Variants in UBE2L3 observed in about 807,000 individuals in gnomAD.
UBE2L3 encodes the protein ubiquitin-conjugating enzyme E2 L3.
In UBE2L3, 1 loss-of-function variant was observed where a neutral mutation model predicts 17.8. The observed-to-expected ratio is 0.06, with a 90% CI of 0.02 to 0.27. UBE2L3 has a LOEUF of 0.27. UBE2L3 is among the 10% of genes least tolerant of loss of function. The probability of loss-of-function intolerance (pLI) is 1.00; values close to 1 mark genes in which losing one functional copy is unlikely to be tolerated. For missense variants in UBE2L3, 40 were observed against 192.6 expected (o/e 0.21, Z 4.69); for synonymous variants, 44 against 68.5 (o/e 0.64, Z 1.76).
intron 1 of UBE2L3, among the ~76,000 whole-genome samples, chr22:21,575,446 G>A (rs570634993): frequency 3.2e-4 from 45 of 141,600 alleles, no homozygotes; most frequent in African/African-American, 1.1e-3. Flanking sequence ...AAAATCAGCC[G>A]AGTGTGGTGG....
intron 1 of UBE2L3, among the ~76,000 whole-genome samples, chr22:21,579,813 G>A (rs548524477): frequency 1.3e-5 from 2 of 152,056 alleles, no homozygotes; most frequent in Admixed American, 6.6e-5. Flanking sequence ...CATTGCTAAC[G>A]GTTGTCTTAT....
intron 1 of UBE2L3, 70 bp downstream of exon 1, chr22:21,567,841 G>A: frequency 3.2e-6 from 5 of 1,553,784 alleles, no homozygotes; most frequent in South Asian, 1.2e-5. Flanking sequence ...CGAGGCAGGC[G>A]GCGGCTTCTC....
chr22:21,568,136 G>T (rs1339946279), intron 1 of UBE2L3: 4 of 1,038,434 alleles, frequency 3.9e-6, no homozygotes, highest in Non-Finnish European at 4.6e-6. Flanking sequence ...CTTCGGGGAA[G>T]GCCCGAGCGC....
intron 3 of UBE2L3, among the ~76,000 whole-genome samples, chr22:21,616,451 C>T (rs1457718798): frequency 6.6e-6 from 1 of 151,960 alleles, no homozygotes; most frequent in Non-Finnish European, 1.5e-5. Flanking sequence ...GAGATCCAGA[C>T]CATCCTGGCC....
At chr22:21,577,730 G>A (rs1213049563) in intron 1 of UBE2L3, among the ~76,000 whole-genome samples, 2 of 152,126 alleles carry the variant, frequency 1.3e-5, no homozygotes, top group Non-Finnish European at 2.9e-5. Flanking sequence ...TGTTTGTTTT[G>A]GTTTTTAACA....
intron 2 of UBE2L3, among the ~76,000 whole-genome samples, chr22:21,601,092 AC>A (rs1339014871): frequency 6.6e-6 from 1 of 151,716 alleles, no homozygotes; most frequent in African/African-American, 2.4e-5. Flanking sequence ...AATTGCTTGA[AC>A]CCAGGAGGTG....
chr22:21,621,393 T>TA (rs1930032247), intron 3 of UBE2L3, 122 bp from the exon 4 acceptor site: 1 of 1,290,190 alleles, frequency 7.8e-7, no homozygotes, highest in African/African-American at 1.5e-5. Context: ...AGCTTTGGCT[T>TA]AAAAGCACAT....
At chr22:21,552,880 C>T (rs1221807511) in intron 1 of UBE2L3, among the ~76,000 whole-genome samples, 36 of 133,958 alleles carry the variant, frequency 2.7e-4, no homozygotes, top group African/African-American at 9.3e-4. Flanking sequence ...CCCGCCACCA[C>T]GCCTGGCTAA....
chr22:21,564,604 G>A (rs189473927), upstream of UBE2L3, among the ~76,000 whole-genome samples: 4 of 152,276 alleles, frequency 2.6e-5, no homozygotes, highest in East Asian at 1.9e-4. Context: ...TGCAGGCAGC[G>A]GTGAGGATGT....
intron 1 of UBE2L3, chr22:21,567,995 C>T: frequency 7.4e-7 from 1 of 1,356,694 alleles, no homozygotes; most frequent in Non-Finnish European, 9.4e-7. Flanking sequence ...GTCGGCCCCT[C>T]AGCCCGGCCC....
intron 2 of UBE2L3, among the ~76,000 whole-genome samples, chr22:21,605,100 G>A (rs538993882): frequency 6.6e-6 from 1 of 151,696 alleles, no homozygotes; most frequent in South Asian, 2.1e-4. Flanking sequence ...TGAGTGGCTG[G>A]GACTACAGGT....
intron 2 of UBE2L3, among the ~76,000 whole-genome samples, chr22:21,609,087 C>T (rs1568986187): frequency 1.3e-5 from 2 of 151,836 alleles, no homozygotes; most frequent in Admixed American, 6.6e-5. Flanking sequence ...TTAGTAGAGA[C>T]GGGGTTTCAC....
chr22:21,617,092 C>G (rs2148448128), intron 3 of UBE2L3, among the ~76,000 whole-genome samples: 1 of 150,352 alleles, frequency 6.7e-6, no homozygotes, highest in East Asian at 2.0e-4. Context: ...CACCTGTAGT[C>G]CCAGCTGCTG....
chr22:21,619,435 C>T lies in UBE2L3; in HGVS notation c.311-2080C>T, dbSNP rs372075428. 5.3e-4 allele frequency among the ~76,000 whole-genome samples: 80 copies of T among 152,242 alleles called. 2 individuals carry two copies. In the South Asian group the frequency reaches 0.015, roughly 28 times the overall value. On this transcript the variant is annotated intron_variant, in intron 3 of 3. Coordinates refer to ENST00000342192, the MANE Select transcript of UBE2L3 (RefSeq NM_003347.4). Reference sequence around the variant, plus strand: ...TCACAGTCCACCCTCCTTGCCCATCCACCCCCAACAAACGTGGAACCTGTC... The same window carrying T: ...TCACAGTCCACCCTCCTTGCCCATCTACCCCCAACAAACGTGGAACCTGTC...
chr22:21,580,854 G>A (rs1246226249), intron 1 of UBE2L3, among the ~76,000 whole-genome samples: 2 of 149,926 alleles, frequency 1.3e-5, no homozygotes, highest in African/African-American at 4.9e-5. Context: ...CAAAGTGCCG[G>A]GATTACAGAC....
chr22:21,598,041 T>G (rs1031146397), intron 2 of UBE2L3, among the ~76,000 whole-genome samples: 2 of 150,790 alleles, frequency 1.3e-5, no homozygotes, highest in African/African-American at 4.9e-5. Context: ...ACTCAAGTGA[T>G]CCGCCTGCCT....
chr22:21,597,900 C>G (rs1928629884), intron 2 of UBE2L3, among the ~76,000 whole-genome samples: 1 of 148,538 alleles, frequency 6.7e-6, no homozygotes, highest in African/African-American at 2.5e-5. Context: ...AGCGATCCTC[C>G]CACCTCAGCC....
chr22:21,558,154 G>T (rs1206515783), intron 1 of UBE2L3, among the ~76,000 whole-genome samples: 2 of 150,662 alleles, frequency 1.3e-5, no homozygotes, highest in Admixed American at 1.3e-4. Context: ...TTCTCCTGCC[G>T]GCATGGCCTG....
At position 21,622,100 on chromosome 22, in the gene UBE2L3, C is replaced by T. The variant is rs769132541; in HGVS notation, c.*431C>T. ...TACTTACTTCCCCAGACCCCGGGCT[C>T]GCCTCCACAAAGGAGAAGAGACTGC... On this transcript the variant is annotated 3_prime_UTR_variant, in exon 4 of 4. Coordinates refer to ENST00000342192, the MANE Select transcript of UBE2L3 (RefSeq NM_003347.4). The T allele has an allele frequency of 5.7e-6, 1 of 176,056 alleles. No individual in the cohort carries two copies. Among genetic ancestry groups the T allele is most frequent in the African/African-American group, 2.4e-5 (1 of 41,598 alleles). 10.9% of individuals were successfully genotyped at this position (176,056 alleles called of 1,614,324 possible).
Sources: gnomAD v4.1 joint callset for allele counts (sites outside exome capture counted in the v4.1 genomes callset) on GRCh38, gnomAD v4.1.1 for gene constraint, MANE v1.5 for transcripts, NCBI Gene and HGNC (gene_info 2026-07-23, HGNC 2026-07-21) for gene names.